Variants in SGCD observed in about 807,000 individuals in gnomAD.
SGCD encodes sarcoglycan delta, also known as delta-sarcoglycan.
A neutral mutation model predicts 36.6 loss-of-function variants in SGCD; 18 were observed. That is an observed-to-expected ratio of 0.49 (90% CI 0.34 to 0.73). The LOEUF is 0.73. Ranked by LOEUF, SGCD falls within the 30% of genes least tolerant of loss-of-function variation. The probability of loss-of-function intolerance (pLI) is 0.01; values close to 1 mark genes in which losing one functional copy is unlikely to be tolerated. For synonymous variants in SGCD, 133 were observed against 130.6 expected, an observed-to-expected ratio of 1.02 and a Z score of -0.12; for missense variants, 387 against 346.7, an observed-to-expected ratio of 1.12 and a Z score of -0.92.
chr5:156,472,505 C>T (rs1270041109), intron 3 of SGCD, among the ~76,000 whole-genome samples: 1 of 152,152 alleles, frequency 6.6e-6, no homozygotes, highest in Non-Finnish European at 1.5e-5. Context: ...GCAACCTCTG[C>T]CTCCTACGTT....
chr5:155,894,609 C>T (rs200384959), intron 1 of SGCD, among the ~76,000 whole-genome samples: 2 of 152,262 alleles, frequency 1.3e-5, no homozygotes, highest in East Asian at 3.9e-4. Flanking sequence ...ACCGCCTGAG[C>T]TCTGCCTCCT....
intron 1 of SGCD, among the ~76,000 whole-genome samples, chr5:155,942,796 A>G (rs375621378): frequency 2.3e-4 from 35 of 152,356 alleles, no homozygotes; most frequent in Middle Eastern, 3.4e-3. Context: ...AAATGTGAAG[A>G]TACTTAAGGC....
chr5:156,430,109 G>A (rs1437374550), intron 3 of SGCD, among the ~76,000 whole-genome samples: 1 of 152,044 alleles, frequency 6.6e-6, no homozygotes, highest in Non-Finnish European at 1.5e-5. Flanking sequence ...CTTCCTCAAA[G>A]TTTTTCAAAT....
At chr5:156,650,747 C>T (rs941988295) in intron 7 of SGCD, among the ~76,000 whole-genome samples, 7 of 151,882 alleles carry the variant, frequency 4.6e-5, no homozygotes, top group Admixed American at 1.3e-4. Context: ...TTGACAGATA[C>T]CTAGGTTGAT....
chr5:156,680,691 T>A (rs1016056095), intron 7 of SGCD, among the ~76,000 whole-genome samples: 36 of 152,142 alleles, frequency 2.4e-4, no homozygotes, highest in African/African-American at 8.0e-4. Context: ...AATAGGCCTA[T>A]GTGAAAGGGG....
chr5:156,586,114 G>A (rs930674024), intron 4 of SGCD, among the ~76,000 whole-genome samples: 41 of 151,410 alleles, frequency 2.7e-4, no homozygotes, highest in Non-Finnish European at 4.6e-4. Flanking sequence ...TTGTATCCCG[G>A]AAACCACCTT....
intron 3 of SGCD, among the ~76,000 whole-genome samples, chr5:156,378,863 T>A (rs1175114483): frequency 6.6e-6 from 1 of 152,140 alleles, no homozygotes; most frequent in Non-Finnish European, 1.5e-5. Context: ...AAAAATAATT[T>A]TAAAAATGTA....
intron 6 of SGCD, among the ~76,000 whole-genome samples, chr5:156,598,070 G>A (rs1581229905): frequency 6.6e-6 from 1 of 152,276 alleles, no homozygotes; most frequent in South Asian, 2.1e-4. Flanking sequence ...AAGGGCCCAT[G>A]TTCAAATCCC....
intron 7 of SGCD, among the ~76,000 whole-genome samples, chr5:156,711,415 A>G (rs959373430): frequency 5.9e-5 from 9 of 151,648 alleles, no homozygotes; most frequent in African/African-American, 2.2e-4. Context: ...TTAGAGAGCA[A>G]GCACAGATAA....
rs147505398 is a variant in SGCD, at chr5:156,375,720, C to T, written c.192+31043C>T. 3.5e-3 allele frequency among the ~76,000 whole-genome samples: 533 copies of T among 152,226 alleles called. 6 individuals carry two copies. The highest frequency in any genetic ancestry group is 0.012 in the African/African-American group (493 of 41,548). On this transcript the variant is annotated intron_variant, in intron 3 of 8. Transcript: ENST00000337851. ...ACAAGAGTGCATTGGCTTATAAAAG[C>T]ATCTGAACGTTTATGTATTTATGCC...
chr5:156,140,457 A>G (rs1762553768), intron 3 of SGCD, among the ~76,000 whole-genome samples: 1 of 152,114 alleles, frequency 6.6e-6, no homozygotes. Flanking sequence ...GTCGTGAGGA[A>G]TATCTTATTG....
intron 3 of SGCD, among the ~76,000 whole-genome samples, chr5:156,210,238 C>T (rs183528881): frequency 1.4e-4 from 21 of 152,276 alleles, no homozygotes; most frequent in East Asian, 1.2e-3. Flanking sequence ...AAAAAGACTT[C>T]GGCAACAAAC....
At chr5:156,488,975 G>A (rs1205948287) in intron 3 of SGCD, among the ~76,000 whole-genome samples, 1 of 152,004 alleles carries the variant, frequency 6.6e-6, no homozygotes, top group Non-Finnish European at 1.5e-5. Context: ...TGCTACCTAC[G>A]AGAAACTCAC....
intron 3 of SGCD, among the ~76,000 whole-genome samples, chr5:156,269,775 T>G (rs966820695): frequency 3.3e-5 from 5 of 152,234 alleles, no homozygotes; most frequent in Admixed American, 6.5e-5. Context: ...TAGACCTTTG[T>G]CAGATGCATA....
At chr5:156,556,136 C>T (rs369814704) in intron 4 of SGCD, among the ~76,000 whole-genome samples, 5 of 132,610 alleles carry the variant, frequency 3.8e-5, no homozygotes, top group African/African-American at 6.0e-5. Context: ...AAAAAAAAAA[C>T]CCAGGTATTA....
intron 3 of SGCD, chr5:156,458,332 C>T (rs1375015015): frequency 2.9e-5 from 30 of 1,018,990 alleles, no homozygotes; most frequent in East Asian, 1.3e-4. Flanking sequence ...TATTCTTTTG[C>T]GTGACTGTAG....
intron 1 of SGCD, among the ~76,000 whole-genome samples, chr5:156,327,922 A>C (rs1373529782): frequency 6.6e-6 from 1 of 152,208 alleles, no homozygotes; most frequent in African/African-American, 2.4e-5. Context: ...TTTACTCTCA[A>C]AAAACACTTC....
At chr5:155,875,005 A>G (rs1013537470) in intron 1 of SGCD, among the ~76,000 whole-genome samples, 13 of 54,720 alleles carry the variant, frequency 2.4e-4, no homozygotes, top group African/African-American at 2.2e-3. Flanking sequence ...AAAACTGGGA[A>G]AAAAAATGGC....
upstream of SGCD, among the ~76,000 whole-genome samples, chr5:156,321,815 T>A (rs894914408): frequency 2.0e-5 from 3 of 151,724 alleles, no homozygotes; most frequent in African/African-American, 7.3e-5. Context: ...GGAGATAGAG[T>A]CTTGATTACA....
Sources: gnomAD v4.1 joint callset for allele counts (sites outside exome capture counted in the v4.1 genomes callset) on GRCh38, gnomAD v4.1.1 for gene constraint, MANE v1.5 for transcripts, NCBI Gene and HGNC (gene_info 2026-07-23, HGNC 2026-07-21) for gene names.